The following PABPC4L variants were observed in gnomAD, a reference collection of about 807,000 sequenced individuals.
The protein encoded by PABPC4L is polyadenylate-binding protein 4-like.
For synonymous variants in PABPC4L, 169 were observed against 164.1 expected (o/e 1.03, Z -0.23); for missense variants, 452 against 451.4 (o/e 1.00, Z -0.01).
At chr4:134,104,730 C>G in the PABPC4L span, among the ~76,000 whole-genome samples, 1 of 151,678 alleles carries the variant, frequency 6.6e-6, no homozygotes, top group Non-Finnish European at 1.5e-5. Flanking sequence ...GTTCCTTCAA[C>G]CATCTCTCAT....
the PABPC4L span, among the ~76,000 whole-genome samples, chr4:134,188,255 A>C: frequency 6.6e-6 from 1 of 152,120 alleles, no homozygotes; most frequent in Non-Finnish European, 1.5e-5. Context: ...GAAGTGGGTA[A>C]TATCCATAAT....
the PABPC4L span, among the ~76,000 whole-genome samples, chr4:134,178,131 G>A: frequency 2.0e-5 from 3 of 151,936 alleles, no homozygotes; most frequent in Non-Finnish European, 2.9e-5. Context: ...ATTTCCCCAG[G>A]AGGCATACAT....
the PABPC4L span, among the ~76,000 whole-genome samples, chr4:134,156,248 A>AAGAAGTATAAATT: frequency 6.6e-6 from 1 of 151,990 alleles, no homozygotes; most frequent in Non-Finnish European, 1.5e-5. Context: ...GCCTGTTAAG[A>AAGAAGTATAAATT]AGAAGTATAA....
the PABPC4L span, among the ~76,000 whole-genome samples, chr4:134,166,112 A>G: frequency 6.6e-6 from 1 of 152,154 alleles, no homozygotes; most frequent in Non-Finnish European, 1.5e-5. Context: ...TACAACGGAC[A>G]CCACAGAGGC....
chr4:134,178,863 C>T, the PABPC4L span, among the ~76,000 whole-genome samples: 1 of 152,004 alleles, frequency 6.6e-6, no homozygotes, highest in Non-Finnish European at 1.5e-5. Flanking sequence ...ACAATAAAGA[C>T]TGAATAAAAC....
the PABPC4L span, among the ~76,000 whole-genome samples, chr4:134,004,389 G>A: frequency 6.6e-6 from 1 of 151,850 alleles, no homozygotes; most frequent in Non-Finnish European, 1.5e-5. Flanking sequence ...TATATGAAGA[G>A]GTGCTCAATA....
the PABPC4L span, among the ~76,000 whole-genome samples, chr4:134,015,806 T>A: frequency 1.5e-4 from 23 of 152,310 alleles, no homozygotes; most frequent in African/African-American, 5.3e-4. Context: ...CCCTCAAGTC[T>A]GCGTGTGGCG....
At chr4:134,177,980 T>A in the PABPC4L span, among the ~76,000 whole-genome samples, 1 of 152,008 alleles carries the variant, frequency 6.6e-6, no homozygotes. Flanking sequence ...GTTTCCTGTG[T>A]CTCAGGAAAG....
At chr4:133,979,286 C>A in the PABPC4L span, among the ~76,000 whole-genome samples, 2 of 152,052 alleles carry the variant, frequency 1.3e-5, no homozygotes, top group Non-Finnish European at 2.9e-5. Flanking sequence ...CAATTTACAG[C>A]AGAACTGTTT....
At chr4:134,138,036 C>T in the PABPC4L span, among the ~76,000 whole-genome samples, 3 of 151,504 alleles carry the variant, frequency 2.0e-5, no homozygotes, top group African/African-American at 4.8e-5. Context: ...GATATCTAAG[C>T]CAGTATATGC....
At chr4:134,139,303 G>T in the PABPC4L span, among the ~76,000 whole-genome samples, 1 of 151,902 alleles carries the variant, frequency 6.6e-6, no homozygotes, top group South Asian at 2.1e-4. Flanking sequence ...CTTTCTGGTA[G>T]GCAGGAGAAA....
the PABPC4L span, among the ~76,000 whole-genome samples, chr4:134,020,558 C>A: frequency 6.6e-6 from 1 of 151,882 alleles, no homozygotes; most frequent in Non-Finnish European, 1.5e-5. Flanking sequence ...ACCAGCAAGC[C>A]CCAGCCTCAT....
the PABPC4L span, among the ~76,000 whole-genome samples, chr4:134,032,320 T>G: frequency 6.6e-6 from 1 of 151,890 alleles, no homozygotes. Flanking sequence ...TCTATATTTA[T>G]CAAGTCAACT....
At chr4:134,044,346 C>T in the PABPC4L span, among the ~76,000 whole-genome samples, 1 of 152,178 alleles carries the variant, frequency 6.6e-6, no homozygotes, top group Non-Finnish European at 1.5e-5. Flanking sequence ...TCACTGCAAG[C>T]TCAGCCTCCC....
chr4:134,193,039 A>G (rs1578877809), downstream of PABPC4L, among the ~76,000 whole-genome samples: 1 of 152,176 alleles, frequency 6.6e-6, no homozygotes, highest in Middle Eastern at 3.4e-3. Flanking sequence ...TAAATAATAA[A>G]AAATTACCTA....
the PABPC4L span, among the ~76,000 whole-genome samples, chr4:134,160,572 C>T: frequency 6.6e-6 from 1 of 152,252 alleles, no homozygotes; most frequent in Middle Eastern, 3.4e-3. Context: ...TGATAAATGT[C>T]CACAAGCATC....
At position 134,200,647 on chromosome 4, in the gene PABPC4L, G is replaced by T. The variant is rs1336693349; in HGVS notation, c.373C>A (p.Leu125Ile). 6.4e-7 allele frequency: 1 copy of T among 1,551,524 alleles called. No individual in the cohort carries two copies. The highest frequency in any genetic ancestry group is 8.7e-7 in the Non-Finnish European group (1 of 1,146,966). The change falls in exon 2 of 2, where the codon CTT becomes ATT. Residue 125 changes from leucine (L) to isoleucine (I), a missense_variant. Transcript: ENST00000421491. ...YEHFSAFGKI[L>I]SSKVMSDDQG... is the part of the protein sequence containing the mutation. ...TCATCACTCATCACCTTGGAGGAAA[G>T]GATCTTTCCAAAAGCTGAAAAATGT...
chr4:134,038,334 C>T, the PABPC4L span, among the ~76,000 whole-genome samples: 8 of 152,142 alleles, frequency 5.3e-5, no homozygotes, highest in Admixed American at 4.6e-4. Flanking sequence ...ATACTGGCCT[C>T]GTAAAATTAG....
chr4:134,108,417 C>T, the PABPC4L span, among the ~76,000 whole-genome samples: 13 of 151,786 alleles, frequency 8.6e-5, no homozygotes, highest in African/African-American at 2.7e-4. Flanking sequence ...AAATGATAAC[C>T]TAATAAAATT....
Sources: gnomAD v4.1 joint callset for allele counts (sites outside exome capture counted in the v4.1 genomes callset) on GRCh38, gnomAD v4.1.1 for gene constraint, MANE v1.5 for transcripts, NCBI Gene and HGNC (gene_info 2026-07-23, HGNC 2026-07-21) for gene names.